SOX5: variants seen among roughly 807,000 people sequenced by gnomAD.
The protein encoded by SOX5 is SRY-box transcription factor 5.
SOX5 carries 9 observed loss-of-function variants against 92.0 expected under a neutral mutation model. The observed-to-expected ratio is 0.10, with a 90% confidence interval of 0.06 to 0.17. The LOEUF is 0.17. SOX5 is among the 10% of genes least tolerant of loss of function. SOX5 has a pLI of 1.00. For synonymous variants in SOX5, 344 were observed against 336.3 expected (o/e 1.02, Z -0.25); for missense variants, 642 against 944.5 (o/e 0.68, Z 4.20).
chr12:23,979,474 T>G (rs1221012560), intron 4 of SOX5, among the ~76,000 whole-genome samples: 1 of 151,974 alleles, frequency 6.6e-6, no homozygotes, highest in African/African-American at 2.4e-5. Context: ...TCTGCCTTCC[T>G]TGGCCTCCCA....
intron 9 of SOX5, among the ~76,000 whole-genome samples, chr12:23,586,098 C>A (rs1950690952): frequency 6.6e-6 from 1 of 152,214 alleles, no homozygotes; most frequent in African/African-American, 2.4e-5. Context: ...TCTCTCCCTC[C>A]TTTCTTTTGC....
At chr12:24,461,414 T>C (rs1411925115) in intron 1 of SOX5, among the ~76,000 whole-genome samples, 1 of 152,184 alleles carries the variant, frequency 6.6e-6, no homozygotes, top group Non-Finnish European at 1.5e-5. Context: ...TATGAAGTGA[T>C]GGTTTTTGCC....
At chr12:23,750,284 T>G (rs1421049982) in intron 4 of SOX5, among the ~76,000 whole-genome samples, 1 of 151,930 alleles carries the variant, frequency 6.6e-6, no homozygotes, top group Non-Finnish European at 1.5e-5. Flanking sequence ...ACAATAATTT[T>G]GTAAGAAAGA....
chr12:24,249,254 T>C (rs752094675), intron 3 of SOX5, among the ~76,000 whole-genome samples: 13 of 152,256 alleles, frequency 8.5e-5, no homozygotes, highest in Non-Finnish European at 1.9e-4. Context: ...ACCTAACTCC[T>C]TTCCATTTGA....
intron 4 of SOX5, among the ~76,000 whole-genome samples, chr12:24,101,461 C>CT (rs769110763): frequency 6.6e-6 from 1 of 152,034 alleles, no homozygotes; most frequent in Non-Finnish European, 1.5e-5. Context: ...CTACAATTAC[C>CT]TTTTTTAACT....
At position 23,529,675 on chromosome 12, in the gene SOX5, G is replaced by A. The variant is rs1410205970; in HGVS notation, c.*4544C>T. On this transcript the variant is annotated 3_prime_UTR_variant, in exon 15 of 15. Coordinates refer to ENST00000451604, the MANE Select transcript of SOX5 (RefSeq NM_006940.6). ...AAACTCCTGTTTTATTTTTATTGTG[G>A]CATGAATGATAACATAAAACCAAAA... 6.6e-6 allele frequency: 1 copy of A among 151,852 alleles called. No individual in the cohort carries two copies. The highest frequency in any genetic ancestry group is 1.5e-5 in the Non-Finnish European group (1 of 67,962). The allele number at this position is 151,852 out of a possible 1,614,324, so 9.4% of individuals were successfully genotyped here. A position where few individuals can be genotyped will look rare whatever the true frequency, so the allele number is the denominator to read the frequency against.
At chr12:23,605,571 A>C (rs540665372) in intron 8 of SOX5, among the ~76,000 whole-genome samples, 7 of 151,646 alleles carry the variant, frequency 4.6e-5, no homozygotes, top group Non-Finnish European at 1.0e-4. Flanking sequence ...AATGCAAGCT[A>C]GAATTTCTAC....
At chr12:23,596,773 T>A (rs1952535480) in intron 9 of SOX5, among the ~76,000 whole-genome samples, 1 of 152,304 alleles carries the variant, frequency 6.6e-6, no homozygotes, top group East Asian at 1.9e-4. Context: ...GACTTAGCAT[T>A]TTTAGCTATG....
chr12:24,341,597 C>T (rs1366191994), intron 2 of SOX5, among the ~76,000 whole-genome samples: 1 of 152,134 alleles, frequency 6.6e-6, no homozygotes, highest in African/African-American at 2.4e-5. Flanking sequence ...CGATACTGAC[C>T]TGCACCATGC....
rs192776386 is a variant in SOX5 at position 24,306,098 on chromosome 12, A to C, written c.-173-28786T>G. On this transcript the variant is annotated intron_variant, in intron 2 of 4. Transcript: ENST00000446891. Reference sequence around the variant, plus strand: ...GCAAATTGTGTATCACTCTCTGCTTAAGAGATTGTCAGACTGAGTCCCACA... The same window carrying C: ...GCAAATTGTGTATCACTCTCTGCTTCAGAGATTGTCAGACTGAGTCCCACA... Among the ~76,000 whole-genome samples, 59 of 152,276 alleles carry C rather than the reference A, an allele frequency of 3.9e-4. 1 individual carries two copies. In the East Asian group the frequency reaches 5.4e-3, roughly 14 times the overall value.
intron 3 of SOX5, among the ~76,000 whole-genome samples, chr12:24,251,965 T>A (rs975946494): frequency 3.3e-4 from 48 of 144,866 alleles, no homozygotes; most frequent in African/African-American, 9.6e-4. Flanking sequence ...AAAAAAAAAA[T>A]TCCTGCTAAA....
chr12:23,857,066 TAC>T (rs1376065507), intron 2 of SOX5, among the ~76,000 whole-genome samples: 1 of 152,134 alleles, frequency 6.6e-6, no homozygotes, highest in African/African-American at 2.4e-5. Flanking sequence ...GAGGAAAAGA[TAC>T]AGAGCATTCC....
intron 3 of SOX5, among the ~76,000 whole-genome samples, chr12:23,782,080 A>G (rs1365744545): frequency 6.6e-6 from 1 of 152,096 alleles, no homozygotes; most frequent in Non-Finnish European, 1.5e-5. Context: ...GTGAAATGTC[A>G]ACTTCATTCT....
intron 6 of SOX5, among the ~76,000 whole-genome samples, chr12:23,689,820 G>C (rs1307116229): frequency 6.6e-6 from 1 of 152,106 alleles, no homozygotes; most frequent in African/African-American, 2.4e-5. Flanking sequence ...AGAGTCCGGT[G>C]AATAAATAAA....
intron 3 of SOX5, among the ~76,000 whole-genome samples, chr12:23,837,114 C>T (rs1039158830): frequency 1.2e-4 from 18 of 147,472 alleles, no homozygotes; most frequent in Non-Finnish European, 2.5e-4. Context: ...AAATCATACC[C>T]TTTGATTAAT....
intron 3 of SOX5, among the ~76,000 whole-genome samples, chr12:24,267,769 A>G (rs1943204863): frequency 6.6e-6 from 1 of 152,242 alleles, no homozygotes; most frequent in Non-Finnish European, 1.5e-5. Context: ...ATTTGGAAGT[A>G]AAAATCCTCT....
Position 24,519,197 on chromosome 12 carries a change from A to G in SOX5, c.-251+43132T>C, listed in dbSNP as rs76965651. On this transcript the variant is annotated intron_variant, in intron 1 of 4. Transcript: ENST00000446891. Reference sequence around the variant, plus strand: ...CTTTTTCAGTATGTTCTTATATTTAATCATTCATTCATTCACTCAAAAATA... The same window carrying G: ...CTTTTTCAGTATGTTCTTATATTTAGTCATTCATTCATTCACTCAAAAATA... Among the ~76,000 whole-genome samples the G allele has an allele frequency of 4.9e-3, 746 of 152,240 alleles. 4 individuals carry two copies. The highest frequency in any genetic ancestry group is 0.016 in the African/African-American group (649 of 41,558).
intron 2 of SOX5, among the ~76,000 whole-genome samples, chr12:23,872,899 A>C (rs1216388908): frequency 6.6e-6 from 1 of 152,200 alleles, no homozygotes; most frequent in African/African-American, 2.4e-5. Context: ...AACATTCCTG[A>C]AAGATCATCT....
chr12:24,543,553 T>C (rs1448989959), intron 1 of SOX5, among the ~76,000 whole-genome samples: 1 of 152,066 alleles, frequency 6.6e-6, no homozygotes, highest in Non-Finnish European at 1.5e-5. Flanking sequence ...CCAGGCATGG[T>C]GGTACGCGTG....
Sources: allele counts gnomAD v4.1 joint callset (sites outside exome capture counted in the v4.1 genomes callset), GRCh38; gene constraint gnomAD v4.1.1; transcripts MANE v1.5; gene names NCBI Gene and HGNC (gene_info 2026-07-23, HGNC 2026-07-21).